Variants in CCDC83 observed in about 807,000 individuals in gnomAD.
CCDC83 encodes the protein coiled-coil domain containing 83, also known as coiled-coil domain-containing protein 83.
A neutral mutation model predicts 50.1 loss-of-function variants in CCDC83; 54 were observed. The observed-to-expected ratio is 1.08, with a 90% CI of 0.87 to 1.35. The LOEUF (loss-of-function observed/expected upper bound fraction) is 1.35. Among genes scored for constraint, CCDC83 ranks in the 40% most tolerant of loss-of-function variants. The pLI, the probability that CCDC83 is intolerant of heterozygous loss-of-function variation, is 0.00. For missense variants in CCDC83, 518 were observed against 473.9 expected (o/e 1.09, Z -0.86); for synonymous variants, 161 against 153.3 (o/e 1.05, Z -0.37).
At chr11:85,880,628 C>G (rs1398515018) in intron 3 of CCDC83, among the ~76,000 whole-genome samples, 1 of 151,722 alleles carries the variant, frequency 6.6e-6, no homozygotes, top group African/African-American at 2.4e-5. Context: ...CTATGCAAGT[C>G]CTATACATGT....
At chr11:85,861,649 C>T (rs2093176665) in intron 1 of CCDC83, among the ~76,000 whole-genome samples, 1 of 152,166 alleles carries the variant, frequency 6.6e-6, no homozygotes, top group African/African-American at 2.4e-5. Flanking sequence ...CTCCCAGCCT[C>T]CACAGAATTA....
chr11:85,911,444 G>T, intron 8 of CCDC83, 42 bp downstream of exon 8: 1 of 1,477,682 alleles, frequency 6.8e-7, no homozygotes, highest in Non-Finnish European at 9.0e-7. Flanking sequence ...GTAAACATTT[G>T]TATCTGCTGT....
intron 5 of CCDC83, among the ~76,000 whole-genome samples, chr11:85,887,726 C>G (rs60264644): frequency 0.013 from 1,978 of 150,450 alleles, 20 homozygotes; most frequent in African/African-American, 0.027. Flanking sequence ...TTTCATGTAA[C>G]AACATGAACA....
chr11:85,908,616 T>C (rs187990872), intron 7 of CCDC83, among the ~76,000 whole-genome samples: 2 of 145,032 alleles, frequency 1.4e-5, no homozygotes, highest in South Asian at 2.2e-4. Context: ...GATAGACAGA[T>C]AGAATTCATG....
At chr11:85,886,470 C>T in intron 5 of CCDC83, 103 bp downstream of exon 5, 1 of 891,004 alleles carries the variant, frequency 1.1e-6, no homozygotes, top group South Asian at 2.6e-5. Flanking sequence ...ATTCATTACT[C>T]TGCTGTCAGC....
At chr11:85,882,415 C>A in intron 3 of CCDC83, 98 bp from the exon 4 acceptor site, 1 of 1,187,128 alleles carries the variant, frequency 8.4e-7, no homozygotes, top group Non-Finnish European at 1.2e-6. Flanking sequence ...ACTTGCCTTC[C>A]TGTGATACCC....
At chr11:85,906,905 A>G (rs2093428449) in intron 7 of CCDC83, among the ~76,000 whole-genome samples, 1 of 151,656 alleles carries the variant, frequency 6.6e-6, no homozygotes, top group Non-Finnish European at 1.5e-5. Flanking sequence ...ATTAAATTAA[A>G]TTAAATTAAA....
At chr11:85,893,848 C>T (rs2093360801) in intron 5 of CCDC83, among the ~76,000 whole-genome samples, 1 of 151,866 alleles carries the variant, frequency 6.6e-6, no homozygotes, top group South Asian at 2.1e-4. Flanking sequence ...AAACATATCA[C>T]AAGGACAGGG....
intron 2 of CCDC83, among the ~76,000 whole-genome samples, chr11:85,868,648 C>A (rs760708837): frequency 3.9e-5 from 6 of 152,074 alleles, no homozygotes; most frequent in Non-Finnish European, 7.4e-5. Context: ...TGGGAGCCTC[C>A]CAAAGTGCTG....
chr11:85,917,507 T>A (rs1160780527), intron 10 of CCDC83, among the ~76,000 whole-genome samples: 1 of 152,200 alleles, frequency 6.6e-6, no homozygotes, highest in Admixed American at 6.5e-5. Context: ...AAAGTACAGA[T>A]TGCACATATA....
chr11:85,876,367 C>G (rs1447792401), intron 3 of CCDC83, among the ~76,000 whole-genome samples: 1 of 152,132 alleles, frequency 6.6e-6, no homozygotes, highest in South Asian at 2.1e-4. Context: ...AAGTCTCTAG[C>G]TTAGTTAATA....
chr11:85,874,861 A>C (rs942459757), intron 3 of CCDC83, among the ~76,000 whole-genome samples: 1 of 152,154 alleles, frequency 6.6e-6, no homozygotes, highest in Non-Finnish European at 1.5e-5. Context: ...GTCTTTACTA[A>C]AGTCTTCAGC....
At chr11:85,885,595 G>C (rs1164341977) in intron 4 of CCDC83, among the ~76,000 whole-genome samples, 3 of 152,196 alleles carry the variant, frequency 2.0e-5, no homozygotes, top group Non-Finnish European at 4.4e-5. Flanking sequence ...AAATAGTTCA[G>C]TATTTGTACA....
intron 2 of CCDC83, among the ~76,000 whole-genome samples, chr11:85,866,427 C>A (rs2093207115): frequency 6.6e-6 from 1 of 152,090 alleles, no homozygotes. Context: ...GTGGCTCATG[C>A]CTATAATCCC....
At chr11:85,915,612 T>C (rs1242847379) in intron 9 of CCDC83, 114 bp downstream of exon 9, 6 of 675,958 alleles carry the variant, frequency 8.9e-6, no homozygotes, top group African/African-American at 5.5e-5. Flanking sequence ...ATTCAGAGAA[T>C]AGACACCTGC....
At chr11:85,856,321 C>T (rs1200047292) in intron 1 of CCDC83, among the ~76,000 whole-genome samples, 1 of 152,100 alleles carries the variant, frequency 6.6e-6, no homozygotes, top group Admixed American at 6.5e-5. Flanking sequence ...CCTCTTTAGA[C>T]TCACTACTGC....
chr11:85,918,410 G>A (rs2093492556), intron 10 of CCDC83, among the ~76,000 whole-genome samples: 1 of 152,154 alleles, frequency 6.6e-6, no homozygotes, highest in South Asian at 2.1e-4. Context: ...ACTTGGGAAA[G>A]GTTTGCTAAA....
At chr11:85,888,641 T>A (rs1202070617) in intron 5 of CCDC83, among the ~76,000 whole-genome samples, 3 of 152,212 alleles carry the variant, frequency 2.0e-5, no homozygotes, top group Non-Finnish European at 4.4e-5. Flanking sequence ...AGTCTTTGAT[T>A]TTACGTTTAT....
At chr11:85,862,382 A>G (rs138946224) in intron 1 of CCDC83, among the ~76,000 whole-genome samples, 2 of 152,316 alleles carry the variant, frequency 1.3e-5, no homozygotes, top group Non-Finnish European at 2.9e-5. Context: ...ACATGGCCAC[A>G]AAAGGGAGGT....
Sources: gnomAD v4.1 joint callset for allele counts (sites outside exome capture counted in the v4.1 genomes callset) on GRCh38, gnomAD v4.1.1 for gene constraint, MANE v1.5 for transcripts, NCBI Gene and HGNC (gene_info 2026-07-23, HGNC 2026-07-21) for gene names.